Variants in SUSD1 observed in about 807,000 individuals in gnomAD.
SUSD1 encodes the protein sushi domain-containing protein 1.
Under a neutral mutation model 86.9 loss-of-function variants are expected in SUSD1, and 65 were observed. That is an observed-to-expected ratio of 0.75 (90% CI 0.61 to 0.92). The LOEUF is 0.92. Among genes scored for constraint, SUSD1 ranks in the 40% least tolerant of loss-of-function variants. The pLI, the probability that SUSD1 is intolerant of heterozygous loss-of-function variation, is 0.00. For missense variants in SUSD1, 850 were observed against 929.7 expected, an observed-to-expected ratio of 0.91 and a Z score of 1.11; for synonymous variants, 346 against 350.0, an observed-to-expected ratio of 0.99 and a Z score of 0.13.
intron 8 of SUSD1, among the ~76,000 whole-genome samples, chr9:112,108,823 A>G (rs371769923): frequency 9.0e-5 from 13 of 144,024 alleles, no homozygotes; most frequent in Non-Finnish European, 1.2e-4. Context: ...GAAAAAAAAA[A>G]AGAGAGAGAG....
chr9:112,119,795 G>A (rs1306708222), intron 6 of SUSD1, among the ~76,000 whole-genome samples: 2 of 152,134 alleles, frequency 1.3e-5, no homozygotes, highest in Admixed American at 6.5e-5. Context: ...CGGGGAAGGA[G>A]GGGGCAGGAA....
At chr9:112,171,769 C>T (rs1010562487) in intron 1 of SUSD1, among the ~76,000 whole-genome samples, 1 of 151,988 alleles carries the variant, frequency 6.6e-6, no homozygotes, top group African/African-American at 2.4e-5. Context: ...TTTCATTTTT[C>T]CCCTCTCTAC....
chr9:112,152,933 G>GAA (rs111854222), intron 2 of SUSD1, among the ~76,000 whole-genome samples: 5 of 149,662 alleles, frequency 3.3e-5, no homozygotes, highest in South Asian at 2.1e-4. Flanking sequence ...TTTTTAATTG[G>GAA]AAAAAAAATG....
intron 9 of SUSD1, among the ~76,000 whole-genome samples, chr9:112,101,384 T>A (rs749114310): frequency 2.0e-5 from 3 of 152,010 alleles, no homozygotes; most frequent in Non-Finnish European, 2.9e-5. Flanking sequence ...AAAATTTTTT[T>A]AATGTAATAC....
chr9:112,047,528 T>C (rs1828009253), intron 15 of SUSD1, among the ~76,000 whole-genome samples: 1 of 152,200 alleles, frequency 6.6e-6, no homozygotes. Flanking sequence ...CTGCTATGGT[T>C]TGAGTTTATA....
chr9:112,099,118 T>C (rs144579232), intron 9 of SUSD1, among the ~76,000 whole-genome samples: 360 of 151,934 alleles, frequency 2.4e-3, no homozygotes, highest in African/African-American at 8.0e-3. Context: ...GGCACAATCT[T>C]AGTTCACAGC....
chr9:112,073,218 T>G (rs757898752), intron 12 of SUSD1, among the ~76,000 whole-genome samples: 11 of 152,220 alleles, frequency 7.2e-5, no homozygotes, highest in African/African-American at 2.4e-4. Context: ...CCTAACCGTC[T>G]GAAAAAGTAC....
chr9:112,147,220 T>C (rs1832841142), intron 3 of SUSD1, among the ~76,000 whole-genome samples: 2 of 152,188 alleles, frequency 1.3e-5, no homozygotes, highest in Non-Finnish European at 2.9e-5. Flanking sequence ...AAGAAGTGCA[T>C]GAAAGGCCAG....
At chr9:112,141,682 C>CTA (rs201455710) in intron 5 of SUSD1, among the ~76,000 whole-genome samples, 255 of 144,034 alleles carry the variant, frequency 1.8e-3, no homozygotes, top group African/African-American at 5.2e-3. Flanking sequence ...GTCTCAAAAA[C>CTA]TATATATATA....
Position 112,111,737 on chromosome 9 carries a change from T to C in SUSD1, c.1088A>G (p.Tyr363Cys). Reference sequence around the variant, plus strand: ...GTTCACGGTGTAGTTGGTGCCTGGGTACAGGGCTAGGCACACTTCTGGGGT... The same window carrying C: ...GTTCACGGTGTAGTTGGTGCCTGGGCACAGGGCTAGGCACACTTCTGGGGT... ...SRTPEVCLAL[Y>C]PGTNYTVNIS... The change falls in exon 8 of 17, where the codon TAC (tyrosine) becomes TGC (cysteine). Residue 363 changes from tyrosine (Y) to cysteine (C), a missense_variant. By Grantham distance (194) the Tyr-to-Cys change is radical (BLOSUM62 -2). Transcript: ENST00000374270. 1 of 1,614,098 alleles carries C rather than the reference T, an allele frequency of 6.2e-7. No homozygotes were observed. The highest frequency in any genetic ancestry group is 8.5e-7 in the Non-Finnish European group (1 of 1,180,012).
At chr9:112,120,119 T>C (rs1217253261) in intron 6 of SUSD1, among the ~76,000 whole-genome samples, 1 of 152,056 alleles carries the variant, frequency 6.6e-6, no homozygotes, top group Non-Finnish European at 1.5e-5. Context: ...CTGGGCAACA[T>C]AGTGAGACAC....
chr9:112,079,665 C>T (rs796609798), intron 11 of SUSD1, among the ~76,000 whole-genome samples: 2 of 150,990 alleles, frequency 1.3e-5, no homozygotes, highest in African/African-American at 4.9e-5. Context: ...TTCAGTGGCG[C>T]GATCTTGGTT....
intron 10 of SUSD1, among the ~76,000 whole-genome samples, chr9:112,091,211 A>T (rs1432779567): frequency 6.6e-6 from 1 of 152,218 alleles, no homozygotes; most frequent in East Asian, 1.9e-4. Flanking sequence ...GACTTCAGGC[A>T]TAACTCTTCA....
chr9:112,161,737 G>T (rs551182600), intron 1 of SUSD1, among the ~76,000 whole-genome samples: 86 of 150,210 alleles, frequency 5.7e-4, no homozygotes, highest in African/African-American at 2.0e-3. Context: ...CAGGAGAATC[G>T]CTTGAACCCG....
chr9:112,111,545 T>C, intron 8 of SUSD1, 109 bp downstream of exon 8: 1 of 1,387,918 alleles, frequency 7.2e-7, no homozygotes, highest in Non-Finnish European at 9.8e-7. Context: ...TGAGTATAAA[T>C]CTCAGACAGC....
intron 3 of SUSD1, among the ~76,000 whole-genome samples, chr9:112,148,804 G>A (rs1231928101): frequency 6.6e-6 from 1 of 151,946 alleles, no homozygotes; most frequent in East Asian, 1.9e-4. Context: ...TACTTAGGAA[G>A]CTGAGGCAGG....
intron 1 of SUSD1, chr9:112,169,383 C>G (rs1319868347): frequency 6.7e-6 from 1 of 149,524 alleles, no homozygotes; most frequent in Non-Finnish European, 1.5e-5. Context: ...CACTACTGTA[C>G]TTGACTAGTC....
intron 10 of SUSD1, among the ~76,000 whole-genome samples, chr9:112,081,825 G>A (rs1829779686): frequency 6.6e-6 from 1 of 152,090 alleles, no homozygotes; most frequent in Non-Finnish European, 1.5e-5. Context: ...AATACAGAGA[G>A]TATCATTATT....
chr9:112,123,509 T>A (rs1393297961), intron 6 of SUSD1, among the ~76,000 whole-genome samples: 1 of 152,054 alleles, frequency 6.6e-6, no homozygotes, highest in Non-Finnish European at 1.5e-5. Context: ...CAAACTATAT[T>A]AGATGGTAAG....
Sources: gnomAD v4.1 joint callset for allele counts (sites outside exome capture counted in the v4.1 genomes callset) on GRCh38, gnomAD v4.1.1 for gene constraint, MANE v1.5 for transcripts, NCBI Gene and HGNC (gene_info 2026-07-23, HGNC 2026-07-21) for gene names.